The following GAD2 variants were observed in gnomAD, a reference collection of about 807,000 sequenced individuals.
The protein encoded by GAD2 is 65 kDa glutamic acid decarboxylase.
Under a neutral mutation model 80.1 loss-of-function variants are expected in GAD2, and 22 were observed. The observed-to-expected ratio is 0.27, with a 90% CI of 0.20 to 0.39. The LOEUF (loss-of-function observed/expected upper bound fraction) is 0.39. GAD2 is among the 10% of genes least tolerant of loss of function. The probability of loss-of-function intolerance (pLI) is 1.00; values close to 1 mark genes in which losing one functional copy is unlikely to be tolerated. For synonymous variants in GAD2, 274 were observed against 256.9 expected, an observed-to-expected ratio of 1.07 and a Z score of -0.64; for missense variants, 624 against 738.4, an observed-to-expected ratio of 0.85 and a Z score of 1.80.
At chr10:26,282,135 GT>G (rs8190758) in intron 12 of GAD2, among the ~76,000 whole-genome samples, 59,478 of 151,780 alleles carry the variant, frequency 0.39, 14,008 homozygotes, top group African/African-American at 0.67. Context: ...TAGAGACAGG[GT>G]TTTCACATGT....
chr10:26,218,077 G>A (rs1273602410), intron 3 of GAD2, 86 bp downstream of exon 3: 2 of 1,405,470 alleles, frequency 1.4e-6, no homozygotes, highest in Admixed American at 2.4e-5. Context: ...GGCGCTGAGA[G>A]CCGGACAGGG....
chr10:26,281,797 G>A (rs1472791506), intron 12 of GAD2, among the ~76,000 whole-genome samples: 1 of 152,078 alleles, frequency 6.6e-6, no homozygotes, highest in East Asian at 1.9e-4. Flanking sequence ...GTGACGCCAG[G>A]CCGGACTCAT....
intron 9 of GAD2, 108 bp from the exon 10 acceptor site, chr10:26,270,532 A>G: frequency 1.2e-6 from 1 of 815,694 alleles, no homozygotes; most frequent in South Asian, 1.5e-5. Flanking sequence ...CTGCTTCCTC[A>G]AATTCAGACG....
At chr10:26,288,456 G>A (rs948158647) in intron 13 of GAD2, among the ~76,000 whole-genome samples, 2 of 152,164 alleles carry the variant, frequency 1.3e-5, no homozygotes, top group African/African-American at 4.8e-5. Context: ...ACAAGGACAG[G>A]TATCTGGTCC....
intron 12 of GAD2, among the ~76,000 whole-genome samples, chr10:26,284,253 G>A (rs184906044): frequency 1.5e-3 from 232 of 152,254 alleles, no homozygotes; most frequent in Non-Finnish European, 2.6e-3. Context: ...GGGATATATT[G>A]GTTTAGAGTT....
chr10:26,254,651 G>A (rs1844923173), intron 8 of GAD2, among the ~76,000 whole-genome samples: 1 of 152,236 alleles, frequency 6.6e-6, no homozygotes, highest in South Asian at 2.1e-4. Flanking sequence ...CTGACTAAAA[G>A]ACATGGGACA....
At position 26,271,453 on chromosome 10, in the gene GAD2, G is replaced by T. The variant is rs115864825; in HGVS notation, c.1092+697G>T. ...AGTATTACTCAAAGTGTGGTTTGAC[G>T]ATTAGCTACCACCTGCAAACTGTTA... On this transcript the variant is annotated intron_variant, in intron 10 of 15. Coordinates refer to ENST00000376261, the MANE Select transcript of GAD2 (RefSeq NM_001134366.2). Among the ~76,000 whole-genome samples the T allele has an allele frequency of 6.4e-3, 978 of 152,284 alleles. 11 individuals are homozygous for T. Among genetic ancestry groups the T allele is most frequent in the African/African-American group, 0.021 (866 of 41,568 alleles).
At chr10:26,238,187 C>CA (rs974124993) in intron 7 of GAD2, among the ~76,000 whole-genome samples, 11 of 152,108 alleles carry the variant, frequency 7.2e-5, no homozygotes, top group African/African-American at 2.7e-4. Flanking sequence ...GGGGATAGCC[C>CA]AAAAAATGAT....
chr10:26,226,534 T>C (rs1844525749), intron 6 of GAD2, among the ~76,000 whole-genome samples: 1 of 152,148 alleles, frequency 6.6e-6, no homozygotes, highest in African/African-American at 2.4e-5. Context: ...CTACAAGACA[T>C]CACAGACGAG....
intron 7 of GAD2, among the ~76,000 whole-genome samples, chr10:26,240,399 A>G (rs1293877957): frequency 2.0e-5 from 3 of 152,052 alleles, no homozygotes; most frequent in Admixed American, 6.5e-5. Context: ...TCCCTTATTT[A>G]TTTGTGCATG....
Position 26,284,412 on chromosome 10 carries a change from G to A in GAD2, c.1237-1933G>A, listed in dbSNP as rs370735947. On this transcript the variant is annotated intron_variant, in intron 12 of 15. Transcript: ENST00000376261. The stretch of plus-strand genomic sequence containing the variant: ...CTTTATGTACAGCAACTATTAATGT[G>A]TTTTAATGTGTTTTAAATAGTTTGG... Among the ~76,000 whole-genome samples, 6 of 152,176 alleles carry A rather than the reference G, an allele frequency of 3.9e-5. 1 individual carries two copies. Among genetic ancestry groups the A allele is most frequent in the Admixed American group, 1.3e-4 (2 of 15,272 alleles).
chr10:26,260,394 C>G (rs8190694), intron 8 of GAD2, among the ~76,000 whole-genome samples: 11 of 152,028 alleles, frequency 7.2e-5, no homozygotes, highest in African/African-American at 2.7e-4. Flanking sequence ...TTTGGAGGGC[C>G]GAGGTGGGCA....
chr10:26,246,455 G>A (rs1844812316), intron 8 of GAD2, among the ~76,000 whole-genome samples: 1 of 152,154 alleles, frequency 6.6e-6, no homozygotes, highest in Non-Finnish European at 1.5e-5. Context: ...GGACTCAGGG[G>A]AAATCCCTGT....
intron 10 of GAD2, among the ~76,000 whole-genome samples, chr10:26,272,885 A>G (rs892170041): frequency 7.9e-5 from 12 of 152,252 alleles, no homozygotes; most frequent in African/African-American, 2.9e-4. Context: ...CAAAACAAAA[A>G]GAGGGCTGAA....
chr10:26,287,342 G>T (rs950767919), intron 13 of GAD2, among the ~76,000 whole-genome samples: 1 of 152,102 alleles, frequency 6.6e-6, no homozygotes, highest in African/African-American at 2.4e-5. Context: ...TGAGAAAGGG[G>T]GCGATTAAAG....
chr10:26,266,488 G>T (rs1434457655), intron 8 of GAD2, among the ~76,000 whole-genome samples: 1 of 152,176 alleles, frequency 6.6e-6, no homozygotes, highest in Non-Finnish European at 1.5e-5. Context: ...CATATTAATA[G>T]CCTTGGGTTA....
intron 4 of GAD2, among the ~76,000 whole-genome samples, chr10:26,222,941 AT>A (rs1844471745): frequency 6.6e-6 from 1 of 152,202 alleles, no homozygotes; most frequent in African/African-American, 2.4e-5. Flanking sequence ...ATCTTCTAAA[AT>A]TTTTGCTGCT....
At chr10:26,253,670 G>A (rs1425876180) in intron 8 of GAD2, among the ~76,000 whole-genome samples, 1 of 152,202 alleles carries the variant, frequency 6.6e-6, no homozygotes, top group East Asian at 1.9e-4. Flanking sequence ...GGTCTTGATT[G>A]GAACACAATG....
chr10:26,241,477 G>A (rs998599259), intron 7 of GAD2, among the ~76,000 whole-genome samples: 16 of 151,996 alleles, frequency 1.1e-4, no homozygotes, highest in African/African-American at 3.6e-4. Flanking sequence ...CCTATCCCCT[G>A]ATCCCAGGCT....
Sources: gnomAD v4.1 joint callset for allele counts (sites outside exome capture counted in the v4.1 genomes callset) on GRCh38, gnomAD v4.1.1 for gene constraint, MANE v1.5 for transcripts, NCBI Gene and HGNC (gene_info 2026-07-23, HGNC 2026-07-21) for gene names.